Variants in MDN1 observed in about 807,000 individuals in gnomAD.
MDN1 encodes the protein midasin AAA ATPase 1, also known as midasin.
Under a neutral mutation model 669.2 loss-of-function variants are expected in MDN1, and 266 were observed. That is an observed-to-expected ratio of 0.40 (90% confidence interval 0.36 to 0.44). The LOEUF (loss-of-function observed/expected upper bound fraction) is 0.44, where lower values mean the gene tolerates loss of function less well. MDN1 is among the 20% of genes least tolerant of loss of function. The pLI, the probability that MDN1 is intolerant of heterozygous loss-of-function variation, is 1.00. For synonymous variants in MDN1, 2,385 were observed against 2,457.1 expected (o/e 0.97, Z 0.87); for missense variants, 5,940 against 6,754.0 (o/e 0.88, Z 4.22).
rs765463420 is a variant in MDN1, at chr6:89,695,649, G to A, written c.9727C>T (p.Pro3243Ser). ...QTWLPQARFD[P>S]AVKREYKLNY... The stretch of plus-strand genomic sequence containing the variant: ...AGCTTGTACTCCCTCTTCACCGCAG[G>A]GTCAAAGCGTGCCTGGGGAAGCCAT... The change falls in exon 61 of 102, where the codon CCT (proline) becomes TCT (serine). Residue 3243 changes from proline (P) to serine (S), a missense_variant. Around this residue, in one of 5 missense-constraint regions of MDN1, gnomAD observed 2,292 missense variants for 2,638.3 expected, o/e 0.87. Transcript: ENST00000369393. This position sits in a 1 kb window ranked among gnomAD's most constrained non-coding sequence, Gnocchi z 4.1. 6.2e-7 allele frequency: 1 copy of A among 1,611,156 alleles called. No homozygotes were observed. Among genetic ancestry groups the A allele is most frequent in the East Asian group, 2.2e-5 (1 of 44,804 alleles).
chr6:89,736,383 A>G (rs1421486798), intron 33 of MDN1, among the ~76,000 whole-genome samples: 1 of 152,190 alleles, frequency 6.6e-6, no homozygotes, highest in African/African-American at 2.4e-5. Flanking sequence ...TTCTTATCAC[A>G]ATCCAAATAA....
In MDN1 at chr6:89,819,766, T is replaced by C. The variant is rs1345096463; in HGVS notation, c.-159A>G. On this transcript the variant is annotated 5_prime_UTR_variant, in exon 1 of 102. Transcript: ENST00000369393. ...TACACCGGGAGAGGGGCACCACACG[T>C]GGGTGAGCACACGGCGTTTGACGTC... 4.8e-6 allele frequency: 3 copies of C among 625,576 alleles called. No homozygotes were observed. Among genetic ancestry groups the C allele is most frequent in the East Asian group, 2.8e-5 (1 of 36,122 alleles). 38.8% of individuals were successfully genotyped at this position (625,576 alleles called of 1,614,324 possible).
intron 82 of MDN1, 87 bp downstream of exon 82, chr6:89,672,113 T>C (rs1401551358): frequency 3.6e-6 from 5 of 1,388,006 alleles, no homozygotes; most frequent in African/African-American, 1.5e-5. Context: ...GCTCTGGCAC[T>C]TATCTACGTG....
In MDN1 at chr6:89,674,515, G is replaced by A. The variant is rs1181789138; in HGVS notation, c.12836C>T (p.Pro4279Leu). Residue 4279 changes from proline (P) to leucine (L), a missense_variant, in exon 79 of 102, where the codon CCT becomes CTT. Around this residue, in one of 5 missense-constraint regions of MDN1, gnomAD observed 2,280 missense variants for 2,576.3 expected, o/e 0.88. Transcript: ENST00000369393. ...TGTCCACTGCTGCACGCCATCCTGA[G>A]GGGGGAAGGCCACGGGGTAGGCCTG... ...GPQAYPVAFP[P>L]QDGVQQWTER... 8 of 1,609,146 alleles carry A rather than the reference G, an allele frequency of 5.0e-6. No homozygotes were observed. Among genetic ancestry groups the A allele is most frequent in the African/African-American group, 2.7e-5 (2 of 74,936 alleles).
intron 23 of MDN1, among the ~76,000 whole-genome samples, chr6:89,751,207 G>A (rs995926366): frequency 2.0e-5 from 3 of 152,110 alleles, no homozygotes; most frequent in African/African-American, 7.2e-5. Flanking sequence ...TAACTTTAAA[G>A]ATAGATAAAA....
At position 89,707,526 on chromosome 6, in the gene MDN1, T is replaced by C. The variant is rs1813595789; in HGVS notation, c.7899-50A>G. 6 of 1,147,662 alleles carry C rather than the reference T, an allele frequency of 5.2e-6. No individual in the cohort carries two copies. In the East Asian group the frequency reaches 1.4e-4, roughly 27 times the overall value. The allele number at this position is 1,147,662 out of a possible 1,614,324, so 71.1% of individuals were successfully genotyped here. A position where few individuals can be genotyped will look rare whatever the true frequency, so the allele number is the denominator to read the frequency against. The stretch of plus-strand genomic sequence containing the variant: ...ACAAATAGCTATCGGTTAATAACAT[T>C]TTCAATCATATCCTCTATTTGCTGG... On this transcript the variant is annotated intron_variant, in intron 51 of 101. Coordinates refer to ENST00000369393, the MANE Select transcript of MDN1 (RefSeq NM_014611.3).
At position 89,696,580 on chromosome 6, in the gene MDN1, G is replaced by C. The variant is rs1479446014; in HGVS notation, c.9169-6C>G. On this transcript the variant is annotated splice_region_variant and splice_polypyrimidine_tract_variant and intron_variant, in intron 59 of 101. Coordinates refer to ENST00000369393, the MANE Select transcript of MDN1 (RefSeq NM_014611.3). ...CTATTGAGATTGCCGGGGCCCTAAAGGACAAGAGAAGAGTCAATAACTTTT... is the reference window on the plus strand; with the variant it reads ...CTATTGAGATTGCCGGGGCCCTAAACGACAAGAGAAGAGTCAATAACTTTT... The C allele has an allele frequency of 1.2e-6, 2 of 1,608,260 alleles. No individual in the cohort carries two copies. Among genetic ancestry groups the C allele is most frequent in the South Asian group, 2.2e-5 (2 of 90,938 alleles).
chr6:89,708,535 G>C lies in MDN1; in HGVS notation c.7859C>G (p.Pro2620Arg). The stretch of plus-strand genomic sequence containing the variant: ...TTCTAAAAGGGCAAAGAGCTGGTCA[G>C]GCTGGTCCGTTTGTGGGTCAAAGTC... ...LMDFDPQTDQ[P>R]DQLFALLESA... Residue 2620 changes from proline to arginine, a missense_variant, in exon 51 of 102, where the codon CCT (proline) becomes CGT (arginine). Pro to Arg is a moderately radical substitution (Grantham distance 103, BLOSUM62 -2). This residue lies in a region of MDN1 where 2,292 missense variants were observed against 2,638.3 expected (regional missense o/e 0.87). Coordinates refer to ENST00000369393, the MANE Select transcript of MDN1 (RefSeq NM_014611.3). The C allele has an allele frequency of 6.2e-7, 1 of 1,614,018 alleles. No individual in the cohort carries two copies. The highest frequency in any genetic ancestry group is 8.5e-7 in the Non-Finnish European group (1 of 1,179,912).
At chr6:89,792,369 G>A (rs17584763) in intron 5 of MDN1, among the ~76,000 whole-genome samples, 16,903 of 152,092 alleles carry the variant, frequency 0.11, 1,048 homozygotes, top group South Asian at 0.16. Flanking sequence ...AGGCTGCACC[G>A]CAACTCTACC....
chr6:89,767,165 G>A (rs940167247), intron 15 of MDN1, among the ~76,000 whole-genome samples: 1 of 152,048 alleles, frequency 6.6e-6, no homozygotes, highest in African/African-American at 2.4e-5. Flanking sequence ...GTCCCCACCC[G>A]CAACTCTTCA....
chr6:89,665,912 C>T (rs1584125213), intron 84 of MDN1, among the ~76,000 whole-genome samples: 2 of 151,494 alleles, frequency 1.3e-5, no homozygotes, highest in South Asian at 4.2e-4. Context: ...TTGTGGCGTG[C>T]GCCTGTAATC....
chr6:89,667,235 C>A (rs1293924188), intron 84 of MDN1, among the ~76,000 whole-genome samples: 1 of 149,224 alleles, frequency 6.7e-6, no homozygotes, highest in African/African-American at 2.5e-5. Context: ...TTGAGAAATA[C>A]AGAAGGCCAA....
intron 1 of MDN1, among the ~76,000 whole-genome samples, 172 bp downstream of exon 1, chr6:89,819,334 A>G (rs9344961): frequency 0.033 from 5,040 of 152,290 alleles, 216 homozygotes; most frequent in East Asian, 0.22. Flanking sequence ...AATCGCCTCA[A>G]ACACGCTCGG....
rs150772605 is a variant in MDN1 at position 89,655,777 on chromosome 6, A to G, written c.15477T>C (p.Asp5159=). The G allele has an allele frequency of 5.0e-6, 8 of 1,606,606 alleles. No homozygotes were observed. Among genetic ancestry groups the G allele is most frequent in the East Asian group, 2.2e-5 (1 of 44,630 alleles). ...EHIKQGSDAY[D]AQTYDVASKE... Reference sequence around the variant, plus strand: ...CCAGGACCGTACCATAGGTCTGTGCATCGTATGCGTCACTGCCTTGTTTAA... The same window carrying G: ...CCAGGACCGTACCATAGGTCTGTGCGTCGTATGCGTCACTGCCTTGTTTAA... Residue 5159 remains aspartate (D), a synonymous_variant, in exon 92 of 102, where the codon GAT becomes GAC. Coordinates refer to ENST00000369393, the MANE Select transcript of MDN1 (RefSeq NM_014611.3).
intron 22 of MDN1, among the ~76,000 whole-genome samples, chr6:89,752,477 C>T (rs1817006935): frequency 6.6e-6 from 1 of 152,198 alleles, no homozygotes; most frequent in African/African-American, 2.4e-5. Flanking sequence ...CAAGGGCTCT[C>T]TCTTCCTAAT....
intron 34 of MDN1, among the ~76,000 whole-genome samples, chr6:89,732,257 T>TAAA (rs754583172): frequency 1.5e-5 from 2 of 132,842 alleles, no homozygotes; most frequent in Non-Finnish European, 3.3e-5. Context: ...GAACTTAATT[T>TAAA]AAAAAAAAAA....
chr6:89,717,575 A>T (rs1392833961), intron 43 of MDN1, among the ~76,000 whole-genome samples: 2 of 152,244 alleles, frequency 1.3e-5, no homozygotes, highest in Non-Finnish European at 2.9e-5. Flanking sequence ...GAGTTTTACA[A>T]TACCCATTTA....
chr6:89,685,741 A>AC (rs1811960258), intron 70 of MDN1, 86 bp downstream of exon 70: 9 of 1,450,052 alleles, frequency 6.2e-6, no homozygotes, highest in Non-Finnish European at 8.4e-6. Flanking sequence ...CTAGCGTGCA[A>AC]CAAGGCACCT....
intron 4 of MDN1, 34 bp downstream of exon 4, chr6:89,794,066 C>T (rs760468706): frequency 4.1e-6 from 6 of 1,453,114 alleles, no homozygotes; most frequent in South Asian, 1.2e-5. Context: ...AAAAGAAATG[C>T]TATAGCAAGA....
Sources: allele counts gnomAD v4.1 joint callset (sites outside exome capture counted in the v4.1 genomes callset), GRCh38; gene constraint gnomAD v4.1.1; regional missense constraint gnomAD v4.1.1; non-coding constraint Gnocchi (gnomAD v3.1); transcripts MANE v1.5; gene names NCBI Gene and HGNC (gene_info 2026-07-23, HGNC 2026-07-21).